Variants in AFG1L observed in about 807,000 individuals in gnomAD.
AFG1L encodes AFG1 like ATPase, also known as AFG1-like ATPase.
AFG1L carries 53 observed loss-of-function variants against 62.2 expected under a neutral mutation model. The ratio of observed to expected loss-of-function variants is 0.85; its 90% CI spans 0.68 to 1.07. The LOEUF (loss-of-function observed/expected upper bound fraction) is 1.07, where lower values mean the gene tolerates loss of function less well. AFG1L is among the 50% of genes least tolerant of loss of function. The pLI is 0.00. For synonymous variants in AFG1L, 228 were observed against 210.3 expected (o/e 1.08, Z -0.73); for missense variants, 555 against 590.5 (o/e 0.94, Z 0.62).
chr6:108,418,208 T>A (rs1242615843), intron 7 of AFG1L, among the ~76,000 whole-genome samples: 1 of 152,212 alleles, frequency 6.6e-6, no homozygotes, highest in Non-Finnish European at 1.5e-5. Context: ...CCTGTGATAG[T>A]TTATACCAGG....
intron 11 of AFG1L, among the ~76,000 whole-genome samples, chr6:108,513,318 C>T (rs772474266): frequency 2.6e-5 from 4 of 152,188 alleles, no homozygotes; most frequent in Admixed American, 1.3e-4. Flanking sequence ...GGCGAGGCAT[C>T]GCCTCACCCG....
intron 1 of AFG1L, 150 bp from the exon 2 acceptor site, chr6:108,323,675 T>C (rs1248722283): frequency 1.7e-6 from 1 of 605,406 alleles, no homozygotes; most frequent in Non-Finnish European, 2.9e-6. Context: ...ATGTATTTTA[T>C]ATTATTTTTA....
intron 1 of AFG1L, among the ~76,000 whole-genome samples, chr6:108,306,155 C>T (rs1034428162): frequency 3.9e-5 from 6 of 152,220 alleles, no homozygotes; most frequent in Non-Finnish European, 1.5e-5. Context: ...GCACCCATCT[C>T]ATCCTCCCAA....
intron 3 of AFG1L, among the ~76,000 whole-genome samples, chr6:108,354,274 GA>G (rs1200441030): frequency 1.3e-5 from 2 of 152,054 alleles, no homozygotes. Context: ...GTGGATGCCT[GA>G]AACCTCACAT....
At chr6:108,396,586 G>C (rs1781320563) in intron 6 of AFG1L, among the ~76,000 whole-genome samples, 1 of 152,074 alleles carries the variant, frequency 6.6e-6, no homozygotes, top group African/African-American at 2.4e-5. Flanking sequence ...CACCTCCCGG[G>C]TTCAAGCTAT....
At chr6:108,498,642 A>G (rs899884460) in intron 10 of AFG1L, among the ~76,000 whole-genome samples, 8 of 152,200 alleles carry the variant, frequency 5.3e-5, no homozygotes, top group Admixed American at 3.3e-4. Context: ...TCTGTATATT[A>G]TATAATCATG....
At chr6:108,423,913 T>C (rs1364989191) in intron 7 of AFG1L, among the ~76,000 whole-genome samples, 1 of 152,118 alleles carries the variant, frequency 6.6e-6, no homozygotes, top group Admixed American at 6.6e-5. Flanking sequence ...TCATGTATTA[T>C]AAATACATAG....
intron 11 of AFG1L, among the ~76,000 whole-genome samples, chr6:108,513,692 G>A (rs973943422): frequency 3.9e-5 from 6 of 152,138 alleles, no homozygotes; most frequent in African/African-American, 1.4e-4. Context: ...TGGGGGCAGG[G>A]CATAGCCAAA....
At chr6:108,421,125 T>G (rs1204313697) in intron 7 of AFG1L, among the ~76,000 whole-genome samples, 1 of 152,092 alleles carries the variant, frequency 6.6e-6, no homozygotes, top group South Asian at 2.1e-4. Flanking sequence ...AATAAACATT[T>G]CATTTAGATC....
At chr6:108,312,171 A>G (rs1777438581) in intron 1 of AFG1L, among the ~76,000 whole-genome samples, 1 of 152,196 alleles carries the variant, frequency 6.6e-6, no homozygotes, top group Non-Finnish European at 1.5e-5. Flanking sequence ...GGCCTAAAAT[A>G]TAATTTTAAA....
chr6:108,404,721 T>TTTTA (rs1554194202), intron 7 of AFG1L, among the ~76,000 whole-genome samples: 48 of 151,914 alleles, frequency 3.2e-4, no homozygotes, highest in African/African-American at 1.1e-3. Context: ...ATAATAATTA[T>TTTTA]TTTATTTATT....
At chr6:108,344,405 G>A (rs4946915) in intron 2 of AFG1L, among the ~76,000 whole-genome samples, 6,380 of 152,136 alleles carry the variant, frequency 0.042, 216 homozygotes, top group South Asian at 0.1. Context: ...GAGCCATCGC[G>A]CCCAGCCTAC....
intron 11 of AFG1L, among the ~76,000 whole-genome samples, chr6:108,511,651 T>C (rs1774656877): frequency 6.6e-6 from 1 of 152,212 alleles, no homozygotes. Flanking sequence ...TTAATTTAAA[T>C]ATTATTTTAC....
intron 10 of AFG1L, among the ~76,000 whole-genome samples, chr6:108,489,272 G>A (rs1582656858): frequency 6.6e-6 from 1 of 152,156 alleles, no homozygotes; most frequent in South Asian, 2.1e-4. Context: ...AACCACAGAG[G>A]AATAGCCTGA....
chr6:108,425,060 T>C (rs533250497), intron 7 of AFG1L, among the ~76,000 whole-genome samples: 186 of 152,206 alleles, frequency 1.2e-3, no homozygotes, highest in African/African-American at 4.2e-3. Context: ...TTACCTGACG[T>C]AGAACTGAAT....
Position 108,474,768 on chromosome 6 carries a change from C to T in AFG1L, c.891-2097C>T, listed in dbSNP as rs183683882. ...TTTTTCTTGTAAATTTGTTTAAGTT[C>T]CTTGTAGATTCTGGATATTAAACCT... On this transcript the variant is annotated intron_variant, in intron 8 of 12. Transcript: ENST00000368977. 3.8e-3 allele frequency among the ~76,000 whole-genome samples: 581 copies of T among 152,092 alleles called. 2 individuals are homozygous for T. The highest frequency in any genetic ancestry group is 6.8e-3 in the Non-Finnish European group (465 of 67,982).
At chr6:108,428,947 T>A (rs948485376) in intron 7 of AFG1L, among the ~76,000 whole-genome samples, 4 of 152,196 alleles carry the variant, frequency 2.6e-5, no homozygotes, top group Non-Finnish European at 5.9e-5. Flanking sequence ...CATTTATTTA[T>A]TTTTGTTTTT....
chr6:108,517,295 CA>C (rs1324429943), intron 11 of AFG1L, among the ~76,000 whole-genome samples: 1 of 152,034 alleles, frequency 6.6e-6, no homozygotes, highest in Non-Finnish European at 1.5e-5. Flanking sequence ...TTACTGGTAC[CA>C]AAACAGAGAT....
intron 11 of AFG1L, among the ~76,000 whole-genome samples, chr6:108,515,419 G>A (rs1265239095): frequency 6.6e-6 from 1 of 152,136 alleles, no homozygotes; most frequent in African/African-American, 2.4e-5. Context: ...ATAACAAAAT[G>A]AAGGCAGAAA....
Sources: gnomAD v4.1 joint callset for allele counts (sites outside exome capture counted in the v4.1 genomes callset) on GRCh38, gnomAD v4.1.1 for gene constraint, MANE v1.5 for transcripts, NCBI Gene and HGNC (gene_info 2026-07-23, HGNC 2026-07-21) for gene names.